UBE4B: variants seen among roughly 807,000 people sequenced by gnomAD.
UBE4B encodes ubiquitin conjugation factor E4 B.
Under a neutral mutation model 148.1 loss-of-function variants are expected in UBE4B, and 27 were observed. The ratio of observed to expected loss-of-function variants is 0.18; its 90% CI spans 0.13 to 0.25. UBE4B has a LOEUF of 0.25. UBE4B is among the 10% of genes least tolerant of loss of function. UBE4B has a pLI of 1.00. For missense variants in UBE4B, 1,170 were observed against 1,662.4 expected, an observed-to-expected ratio of 0.70 and a Z score of 5.15; for synonymous variants, 596 against 619.3, an observed-to-expected ratio of 0.96 and a Z score of 0.56.
intron 1 of UBE4B, among the ~76,000 whole-genome samples, chr1:10,057,058 C>T (rs928939646): frequency 1.3e-5 from 2 of 151,904 alleles, no homozygotes; most frequent in Admixed American, 6.6e-5. Flanking sequence ...GTGATTGGCC[C>T]GCCTCAGCCT....
chr1:10,072,001 G>GAAA, intron 1 of UBE4B, 27 bp from the exon 2 acceptor site: 9 of 1,549,366 alleles, frequency 5.8e-6, no homozygotes, highest in Non-Finnish European at 7.8e-6. Flanking sequence ...ATTAGTTATA[G>GAAA]AATGCCCTTT....
chr1:10,065,349 A>G (rs7539725), intron 1 of UBE4B, among the ~76,000 whole-genome samples: 42,863 of 151,968 alleles, frequency 0.28, 9,172 homozygotes, highest in African/African-American at 0.6. Flanking sequence ...CGGGAGGAGC[A>G]TGCGGGGGAG....
intron 8 of UBE4B, among the ~76,000 whole-genome samples, chr1:10,117,848 C>T (rs1645338937): frequency 6.6e-6 from 1 of 152,166 alleles, no homozygotes; most frequent in Non-Finnish European, 1.5e-5. Flanking sequence ...CTTCAGAGTC[C>T]TCTCTTGACC....
At chr1:10,042,046 T>G (rs914994839) in intron 1 of UBE4B, among the ~76,000 whole-genome samples, 1 of 152,156 alleles carries the variant, frequency 6.6e-6, no homozygotes, top group Non-Finnish European at 1.5e-5. Context: ...GCGATTCTCC[T>G]GGGTCAGCCC....
At chr1:10,067,323 T>C (rs970515600) in intron 1 of UBE4B, among the ~76,000 whole-genome samples, 13 of 152,156 alleles carry the variant, frequency 8.5e-5, no homozygotes, top group African/African-American at 3.1e-4. Flanking sequence ...ATGATTAGTA[T>C]GTGTGGCTTT....
chr1:10,137,921 C>CTTTTTTTTTTTTTTTTTT (rs70998351), intron 17 of UBE4B, among the ~76,000 whole-genome samples: 2 of 67,032 alleles, frequency 3.0e-5, no homozygotes, highest in African/African-American at 1.4e-4. Flanking sequence ...CTTACTAATT[C>CTTTTTTTTTTTTTTTTTT]TTTTTTTTTT....
chr1:10,133,990 C>T (rs1645636672), intron 15 of UBE4B, among the ~76,000 whole-genome samples: 2 of 150,830 alleles, frequency 1.3e-5, no homozygotes, highest in Non-Finnish European at 2.9e-5. Flanking sequence ...GTTGAGGCTG[C>T]AGTGAGCTAT....
In UBE4B at chr1:10,091,044, G is replaced by A. The variant is rs553101600; in HGVS notation, c.212-4417G>A. The stretch of plus-strand genomic sequence containing the variant: ...TCAGTTATAGAAGTTGGATACTGCC[G>A]CCTAGAAGGTTGCTAATTCCTGTTT... On this transcript the variant is annotated intron_variant, in intron 2 of 27. Transcript: ENST00000343090. Among the ~76,000 whole-genome samples, 21 of 152,206 alleles carry A rather than the reference G, an allele frequency of 1.4e-4. 1 individual carries two copies. The highest frequency in any genetic ancestry group is 6.2e-4 in the South Asian group (3 of 4,826).
intron 10 of UBE4B, among the ~76,000 whole-genome samples, chr1:10,124,022 G>T (rs886573016): frequency 6.6e-6 from 1 of 152,052 alleles, no homozygotes; most frequent in Non-Finnish European, 1.5e-5. Context: ...TGATCCACCC[G>T]CCTCAGCCGC....
chr1:10,136,964 A>G (rs1471765439), intron 16 of UBE4B, 103 bp from the exon 17 acceptor site: 6 of 1,263,832 alleles, frequency 4.7e-6, no homozygotes, highest in African/African-American at 1.5e-5. Context: ...GTATCTTTAA[A>G]CTTCATAAAA....
At chr1:10,076,451 C>A (rs1644582429) in intron 2 of UBE4B, among the ~76,000 whole-genome samples, 1 of 151,988 alleles carries the variant, frequency 6.6e-6, no homozygotes, top group African/African-American at 2.4e-5. Context: ...GCCATGTTGG[C>A]CAGGCTGGTC....
chr1:10,095,568 G>GAT lies in UBE4B; in HGVS notation c.322_323dup (p.Asp109SerfsTer94). 1 of 1,614,070 alleles carries GAT rather than the reference G, an allele frequency of 6.2e-7. No individual in the cohort carries two copies. Among genetic ancestry groups the GAT allele is most frequent in the Non-Finnish European group, 8.5e-7 (1 of 1,180,008 alleles). On this transcript the variant is annotated frameshift_variant, in exon 3 of 28. Coordinates refer to ENST00000343090, the MANE Select transcript of UBE4B (RefSeq NM_001105562.3). LOFTEE classifies it high-confidence loss of function. ...GTCTCTCTCACGTTCCCAGAGCATGGATATCGATGGTGTCTCATGTGAGAA... is the reference window on the plus strand; with the variant it reads ...GTCTCTCTCACGTTCCCAGAGCATGGATATATCGATGGTGTCTCATGTGAGAA...
chr1:10,119,421 C>G (rs1645374749), intron 8 of UBE4B, 92 bp from the exon 9 acceptor site: 1 of 1,265,738 alleles, frequency 7.9e-7, no homozygotes, highest in Non-Finnish European at 1.1e-6. Flanking sequence ...ACGCTGTTTA[C>G]TGATGGTCCA....
intron 2 of UBE4B, among the ~76,000 whole-genome samples, chr1:10,077,203 C>T (rs961587997): frequency 6.6e-6 from 1 of 152,086 alleles, no homozygotes; most frequent in African/African-American, 2.4e-5. Flanking sequence ...GCGATGCCTC[C>T]CAATAAGGGG....
chr1:10,135,388 G>A (rs961835362), intron 16 of UBE4B, among the ~76,000 whole-genome samples: 1 of 151,908 alleles, frequency 6.6e-6, no homozygotes, highest in African/African-American at 2.4e-5. Context: ...GGTGGATCAC[G>A]AGGTCAGGAG....
chr1:10,090,214 G>A (rs1482763758), intron 2 of UBE4B, among the ~76,000 whole-genome samples: 1 of 151,896 alleles, frequency 6.6e-6, no homozygotes. Flanking sequence ...CAGCCTCCTG[G>A]GCTCAGGTGA....
At chr1:10,171,538 A>G (rs1646339215) in intron 25 of UBE4B, among the ~76,000 whole-genome samples, 1 of 152,196 alleles carries the variant, frequency 6.6e-6, no homozygotes, top group Admixed American at 6.5e-5. Context: ...TTGAGGCCAG[A>G]CTGCAGTGAG....
chr1:10,036,518 G>A (rs1643541111), intron 1 of UBE4B, among the ~76,000 whole-genome samples: 1 of 148,900 alleles, frequency 6.7e-6, no homozygotes, highest in Non-Finnish European at 1.5e-5. Flanking sequence ...TTTTTTTGTA[G>A]AGACGGGGGT....
intron 23 of UBE4B, among the ~76,000 whole-genome samples, chr1:10,164,942 C>A (rs534296648): frequency 6.6e-6 from 1 of 152,264 alleles, no homozygotes; most frequent in South Asian, 2.1e-4. Context: ...CTGTTTCCTG[C>A]CATTTAATGT....
Sources: gnomAD v4.1 joint callset for allele counts (sites outside exome capture counted in the v4.1 genomes callset) on GRCh38, gnomAD v4.1.1 for gene constraint, MANE v1.5 for transcripts, NCBI Gene and HGNC (gene_info 2026-07-23, HGNC 2026-07-21) for gene names.